ZNF239: variants seen among roughly 807,000 people sequenced by gnomAD.
ZNF239 encodes the protein zinc finger protein (C2H2) homologous to mouse MOK-2.
In ZNF239, 16 loss-of-function variants were observed where a neutral mutation model predicts 27.5. The observed-to-expected ratio is 0.58, with a 90% CI of 0.39 to 0.88. The LOEUF (loss-of-function observed/expected upper bound fraction) is 0.88, where lower values mean the gene tolerates loss of function less well. Ranked by LOEUF, ZNF239 falls within the 40% of genes least tolerant of loss-of-function variation. The pLI is 0.00. For missense variants in ZNF239, 527 were observed against 551.9 expected, an observed-to-expected ratio of 0.95 and a Z score of 0.45; for synonymous variants, 199 against 192.6, an observed-to-expected ratio of 1.03 and a Z score of -0.27.
At chr10:43,565,353 G>A (rs531839535) in intron 3 of ZNF239, among the ~76,000 whole-genome samples, 1 of 152,150 alleles carries the variant, frequency 6.6e-6, no homozygotes, top group Non-Finnish European at 1.5e-5. Flanking sequence ...CAAAGTGCTG[G>A]GATTATAGGT....
intron 2 of ZNF239, chr10:43,568,576 C>T (rs994748640): frequency 1.9e-6 from 1 of 529,044 alleles, no homozygotes; most frequent in African/African-American, 2.1e-5. Context: ...TTGAACATTA[C>T]TGGGAAAATA....
chr10:43,573,474 C>A (rs1003969356), intron 2 of ZNF239, among the ~76,000 whole-genome samples, 163 bp downstream of exon 2: 13 of 152,156 alleles, frequency 8.5e-5, no homozygotes, highest in African/African-American at 2.9e-4. Context: ...CTGTGCAGAC[C>A]CTGGTGACAT....
chr10:43,557,162 C>A lies in ZNF239; in HGVS notation c.918G>T (p.Leu306=). 6.2e-7 allele frequency: 1 copy of A among 1,612,312 alleles called. No homozygotes were observed. Among genetic ancestry groups the A allele is most frequent in the Non-Finnish European group, 8.5e-7 (1 of 1,179,384 alleles). The change falls in exon 4 of 4, where the codon CTG becomes CTT. Residue 306 remains leucine (L), a synonymous_variant. Coordinates refer to ENST00000374446, the MANE Select transcript of ZNF239 (RefSeq NM_001099282.2). The part of the protein sequence containing the change: ...CGKGFSQSSK[L]HIHQRVHTGE... ...CAGTGTGGACTCGCTGGTGGATGTG[C>A]AGTTTGGAGCTCTGACTAAAGCCCT...
chr10:43,565,472 C>T (rs1021756438), intron 3 of ZNF239, among the ~76,000 whole-genome samples: 4 of 152,118 alleles, frequency 2.6e-5, no homozygotes, highest in Non-Finnish European at 5.9e-5. Context: ...AATTTTTCTA[C>T]AGGAGAAATT....
In ZNF239 at chr10:43,557,216, T is replaced by C. The variant is rs746027153; in HGVS notation, c.864A>G (p.Glu288=). ...LLIHHAVHTG[E]KPYKCDKCGK... is the part of the protein sequence containing the mutation. ...CACACTTGTCACATTTATAAGGTTT[T>C]TCGCCTGTATGGACGGCATGATGGA... The change falls in exon 4 of 4, where the codon GAA becomes GAG. Residue 288 remains glutamate (E), a synonymous_variant. Transcript: ENST00000374446. 6.2e-6 allele frequency: 10 copies of C among 1,612,808 alleles called. No individual in the cohort carries two copies. In the Admixed American group the frequency reaches 1.7e-4, roughly 27 times the overall value.
At chr10:43,567,682 G>C (rs896523354) in intron 3 of ZNF239, among the ~76,000 whole-genome samples, 6 of 152,108 alleles carry the variant, frequency 3.9e-5, no homozygotes, top group Non-Finnish European at 8.8e-5. Flanking sequence ...ACAGGGATTG[G>C]GTGATTGTGC....
intron 3 of ZNF239, among the ~76,000 whole-genome samples, chr10:43,565,233 G>GC (rs911228326): frequency 1.3e-5 from 2 of 151,990 alleles, no homozygotes; most frequent in African/African-American, 4.8e-5. Flanking sequence ...AAAGGCACCC[G>GC]CCACCACGCC....
chr10:43,556,990 T>C lies in ZNF239; in HGVS notation c.1090A>G (p.Ile364Val). Reference sequence around the variant, plus strand: ...TCTCCTGTGTGGATGCACCGGTGAATGTGAAGGTTCGAGCTCTGACTGAAG... The same window carrying C: ...TCTCCTGTGTGGATGCACCGGTGAACGTGAAGGTTCGAGCTCTGACTGAAG... ...KGFSQSSNLH[I>V]HRCIHTGEKP... The change falls in exon 4 of 4, where the codon ATT becomes GTT. Residue 364 changes from isoleucine to valine, a missense_variant. Coordinates refer to ENST00000374446, the MANE Select transcript of ZNF239 (RefSeq NM_001099282.2). 1 of 1,614,068 alleles carries C rather than the reference T, an allele frequency of 6.2e-7. No individual in the cohort carries two copies.
chr10:43,570,593 T>C (rs1588815885), intron 2 of ZNF239: 1 of 985,310 alleles, frequency 1.0e-6, no homozygotes, highest in South Asian at 4.7e-5. Context: ...CATTCAGTTG[T>C]CTGGATTGTC....
chr10:43,572,948 T>C (rs941302601), intron 2 of ZNF239, among the ~76,000 whole-genome samples: 4 of 152,176 alleles, frequency 2.6e-5, no homozygotes, highest in African/African-American at 9.7e-5. Flanking sequence ...GAGACACTTA[T>C]AGTGTATAGA....
At chr10:43,559,843 T>C (rs1247479921) in intron 3 of ZNF239, among the ~76,000 whole-genome samples, 1 of 152,120 alleles carries the variant, frequency 6.6e-6, no homozygotes, top group Non-Finnish European at 1.5e-5. Context: ...GCAGATGGAT[T>C]AGGAGTGATG....
rs576660691 is a variant in ZNF239 at position 43,556,894 on chromosome 10, C to T, written c.1186G>A (p.Val396Ile). ...QSSDLRIHLR[V>I]HTGEKPYHCG... is the part of the protein sequence containing the mutation. ...TGATAGGGCTTCTCTCCAGTGTGGA[C>T]TCTGAGATGGATGCGAAGATCCGAG... Residue 396 changes from valine (V) to isoleucine (I), a missense_variant, in exon 4 of 4, where the codon GTC becomes ATC. Physicochemically the swap from Val to Ile is conservative, Grantham distance 29 (BLOSUM62 3). Coordinates refer to ENST00000374446, the MANE Select transcript of ZNF239 (RefSeq NM_001099282.2). The T allele has an allele frequency of 1.9e-6, 3 of 1,613,944 alleles. No homozygotes were observed. In the East Asian group the frequency reaches 6.7e-5, roughly 36 times the overall value.
At chr10:43,558,770 G>C (rs1836998743) in intron 3 of ZNF239, among the ~76,000 whole-genome samples, 1 of 152,128 alleles carries the variant, frequency 6.6e-6, no homozygotes, top group Non-Finnish European at 1.5e-5. Context: ...AAGTAAATTT[G>C]CATTTAATTG....
At chr10:43,559,599 G>GAT (rs1258183916) in intron 3 of ZNF239, among the ~76,000 whole-genome samples, 3 of 152,138 alleles carry the variant, frequency 2.0e-5, no homozygotes, top group African/African-American at 7.2e-5. Context: ...TAAGCTGTGA[G>GAT]ATATATATAG....
At chr10:43,560,420 A>G (rs74138144) in intron 3 of ZNF239, among the ~76,000 whole-genome samples, 2,361 of 152,256 alleles carry the variant, frequency 0.016, 62 homozygotes, top group African/African-American at 0.054. Flanking sequence ...CATGCCCCAG[A>G]TAACTCAGTG....
chr10:43,557,651 T>G lies in ZNF239; in HGVS notation c.429A>C (p.Leu143Phe). The change falls in exon 4 of 4, where the codon TTA becomes TTC. Residue 143 changes from leucine (L) to phenylalanine (F), a missense_variant. Leu to Phe is a conservative substitution (Grantham distance 22, BLOSUM62 0). Coordinates refer to ENST00000374446, the MANE Select transcript of ZNF239 (RefSeq NM_001099282.2). ...NGEATCQNGQ[L>F]KESLDPIDCN... ...AGTCAATGGGATCCAAAGATTCTTT[T>G]AACTGGCCATTCTGGCAAGTTGCCT... 6.2e-7 allele frequency: 1 copy of G among 1,614,216 alleles called. No individual in the cohort carries two copies. Among genetic ancestry groups the G allele is most frequent in the Non-Finnish European group, 8.5e-7 (1 of 1,180,044 alleles).
chr10:43,558,080 G>A lies in ZNF239; in HGVS notation c.-1C>T. ...GACTTCCAGTAATTGTACTGGCCAT[G>A]CCTTCCAAAACTAGCCAGGAGGAAA... On this transcript the variant is annotated 5_prime_UTR_variant, in exon 4 of 4. Coordinates refer to ENST00000374446, the MANE Select transcript of ZNF239 (RefSeq NM_001099282.2). 1.2e-6 allele frequency: 2 copies of A among 1,609,964 alleles called. No homozygotes were observed. Among genetic ancestry groups the A allele is most frequent in the Non-Finnish European group, 1.7e-6 (2 of 1,177,328 alleles).
intron 2 of ZNF239, chr10:43,570,504 G>A: frequency 1.0e-6 from 1 of 983,916 alleles, no homozygotes; most frequent in Non-Finnish European, 1.2e-6. Flanking sequence ...GTGCATTCTA[G>A]ATCAAATCCC....
intron 3 of ZNF239, among the ~76,000 whole-genome samples, chr10:43,563,122 C>G (rs1377388325): frequency 1.3e-5 from 2 of 152,100 alleles, no homozygotes; most frequent in Non-Finnish European, 2.9e-5. Flanking sequence ...CGAGATCAGC[C>G]TGACCAACAC....
Sources: allele counts gnomAD v4.1 joint callset (sites outside exome capture counted in the v4.1 genomes callset), GRCh38; gene constraint gnomAD v4.1.1; transcripts MANE v1.5; gene names NCBI Gene and HGNC (gene_info 2026-07-23, HGNC 2026-07-21).